Variants in ST8SIA6 observed in about 807,000 individuals in gnomAD.
The protein encoded by ST8SIA6 is ST8 alpha-N-acetyl-neuraminide alpha-2,8-sialyltransferase 6.
Under a neutral mutation model 33.6 loss-of-function variants are expected in ST8SIA6, and 39 were observed. The ratio of observed to expected loss-of-function variants is 1.16; its 90% CI spans 0.90 to 1.52. ST8SIA6 has a LOEUF of 1.52. ST8SIA6 is among the 40% of genes most tolerant of loss of function. The pLI, the probability that ST8SIA6 is intolerant of heterozygous loss-of-function variation, is 0.00. For missense variants in ST8SIA6, 441 were observed against 443.8 expected, an observed-to-expected ratio of 0.99 and a Z score of 0.06; for synonymous variants, 172 against 167.2, an observed-to-expected ratio of 1.03 and a Z score of -0.22.
At chr10:17,397,398 C>T (rs1344467265) in intron 2 of ST8SIA6, among the ~76,000 whole-genome samples, 1 of 152,072 alleles carries the variant, frequency 6.6e-6, no homozygotes, top group Non-Finnish European at 1.5e-5. Flanking sequence ...CCACGACTGG[C>T]TAATTTTTGT....
intron 4 of ST8SIA6, among the ~76,000 whole-genome samples, chr10:17,356,265 A>G (rs552096562): frequency 1.3e-5 from 2 of 152,288 alleles, no homozygotes; most frequent in South Asian, 2.1e-4. Context: ...TATACAGTGC[A>G]TAGTTTAGAA....
intron 2 of ST8SIA6, among the ~76,000 whole-genome samples, chr10:17,402,336 G>A (rs1851076980): frequency 6.6e-6 from 1 of 152,242 alleles, no homozygotes; most frequent in Non-Finnish European, 1.5e-5. Flanking sequence ...TGGTGGGACT[G>A]TAAACTAGTT....
chr10:17,453,563 T>C lies in ST8SIA6; in HGVS notation c.196A>G (p.Asn66Asp). Reference protein sequence around the residue: ...SPATAVPRATNSTYLNEKSLQ... With the variant: ...SPATAVPRATDSTYLNEKSLQ... ...CCGCGCTGGGCGCCGCTGTACCTGT[T>C]AGTGGCGCGCGGTACCGCGGTCGCC... is the stretch of plus-strand genomic sequence containing the variant. The change falls in exon 2 of 8, where the codon AAC becomes GAC. Residue 66 changes from asparagine (N) to aspartate (D), a missense_variant. Coordinates refer to ENST00000377602, the MANE Select transcript of ST8SIA6 (RefSeq NM_001004470.3). 3 of 1,327,324 alleles carry C rather than the reference T, an allele frequency of 2.3e-6. No homozygotes were observed. Among genetic ancestry groups the C allele is most frequent in the Non-Finnish European group, 2.9e-6 (3 of 1,030,868 alleles). 82.2% of individuals were successfully genotyped at this position (1,327,324 alleles called of 1,614,324 possible).
At chr10:17,342,211 T>A (rs886764733) in intron 4 of ST8SIA6, among the ~76,000 whole-genome samples, 4 of 148,114 alleles carry the variant, frequency 2.7e-5, no homozygotes, top group African/African-American at 9.8e-5. Flanking sequence ...TTGCAAAGTA[T>A]TAAATACAAA....
rs112083592 is a variant in ST8SIA6, at chr10:17,323,229, G to GCGCACGCGCACA, written c.636-73_636-72insTGTGCGCGTGCG. 6,765 of 794,386 alleles carry GCGCACGCGCACA rather than the reference G, an allele frequency of 8.5e-3. 74 individuals are homozygous for GCGCACGCGCACA. Among genetic ancestry groups the GCGCACGCGCACA allele is most frequent in the East Asian group, 0.062 (2,253 of 36,226 alleles). The allele number at this position is 794,386 out of a possible 1,614,324, so 49.2% of individuals were successfully genotyped here. On this transcript the variant is annotated intron_variant, in intron 6 of 7. Transcript: ENST00000377602. ...AAAGATTGTATACACACATATGCGC[G>GCGCACGCGCACA]CACACACACACACACACACACCTAT...
chr10:17,417,371 C>A (rs1309625830), intron 2 of ST8SIA6, among the ~76,000 whole-genome samples: 1 of 152,134 alleles, frequency 6.6e-6, no homozygotes, highest in Non-Finnish European at 1.5e-5. Flanking sequence ...ATGATCCATT[C>A]TTTCTGCTTC....
chr10:17,340,016 CA>C (rs1211345740), intron 4 of ST8SIA6, among the ~76,000 whole-genome samples: 1 of 152,176 alleles, frequency 6.6e-6, no homozygotes, highest in African/African-American at 2.4e-5. Context: ...CAGTAAGTAG[CA>C]AAGCAAAGAT....
At chr10:17,357,741 G>A (rs1588834387) in intron 4 of ST8SIA6, among the ~76,000 whole-genome samples, 1 of 152,052 alleles carries the variant, frequency 6.6e-6, no homozygotes, top group African/African-American at 2.4e-5. Context: ...CAAGAGGCTT[G>A]GTCTGAACTT....
At chr10:17,329,057 AG>A (rs1443432208) in intron 5 of ST8SIA6, among the ~76,000 whole-genome samples, 1 of 152,180 alleles carries the variant, frequency 6.6e-6, no homozygotes, top group Non-Finnish European at 1.5e-5. Context: ...AAGATGCCCC[AG>A]AATCATTGTG....
chr10:17,389,780 C>T (rs1038569291), intron 3 of ST8SIA6, among the ~76,000 whole-genome samples: 3 of 151,946 alleles, frequency 2.0e-5, no homozygotes, highest in Non-Finnish European at 2.9e-5. Context: ...GGATTGGGGG[C>T]CTATAAAAGT....
chr10:17,320,775 GC>G lies in ST8SIA6; in HGVS notation c.*102del. The stretch of plus-strand genomic sequence containing the variant: ...AGCTTTGGTCAAACCAAATTTTGGG[GC>G]TCATCTCAAAATACTCTTTAGCCAC... On this transcript the variant is annotated 3_prime_UTR_variant, in exon 8 of 8. Coordinates refer to ENST00000377602, the MANE Select transcript of ST8SIA6 (RefSeq NM_001004470.3). 8.0e-7 allele frequency: 1 copy of G among 1,248,626 alleles called. No homozygotes were observed. Among genetic ancestry groups the G allele is most frequent in the Middle Eastern group, 2.6e-4 (1 of 3,852 alleles). The allele number at this position is 1,248,626 out of a possible 1,614,324, so 77.3% of individuals were successfully genotyped here.
chr10:17,453,807 A>C (rs886792351), intron 1 of ST8SIA6, 150 bp from the exon 2 acceptor site: 4 of 526,262 alleles, frequency 7.6e-6, no homozygotes, highest in African/African-American at 5.9e-5. Context: ...GAAGAGCCTT[A>C]GGGCGGGAAG....
At chr10:17,392,968 G>T (rs537247246) in intron 2 of ST8SIA6, among the ~76,000 whole-genome samples, 1 of 152,166 alleles carries the variant, frequency 6.6e-6, no homozygotes, top group Non-Finnish European at 1.5e-5. Flanking sequence ...GGTATTTCTG[G>T]AACAGATGAG....
At chr10:17,435,193 C>A (rs2131726553) in intron 2 of ST8SIA6, among the ~76,000 whole-genome samples, 1 of 152,338 alleles carries the variant, frequency 6.6e-6, no homozygotes, top group Non-Finnish European at 1.5e-5. Flanking sequence ...TCTTGCCTCT[C>A]AGTATGGTAT....
At chr10:17,343,419 T>C (rs1304809298) in intron 4 of ST8SIA6, among the ~76,000 whole-genome samples, 1 of 152,194 alleles carries the variant, frequency 6.6e-6, no homozygotes, top group Non-Finnish European at 1.5e-5. Context: ...TTTGAAAAGG[T>C]AATAGAAAAC....
chr10:17,333,868 C>T (rs1192632462), intron 4 of ST8SIA6, among the ~76,000 whole-genome samples: 1 of 150,284 alleles, frequency 6.7e-6, no homozygotes, highest in African/African-American at 2.5e-5. Flanking sequence ...ACTAAAGGCA[C>T]CTGCTACCAT....
At chr10:17,349,494 A>T (rs1021807260) in intron 4 of ST8SIA6, among the ~76,000 whole-genome samples, 3 of 152,206 alleles carry the variant, frequency 2.0e-5, no homozygotes, top group Non-Finnish European at 4.4e-5. Flanking sequence ...AGCATTTGAC[A>T]TATTGAATAT....
At chr10:17,436,115 C>T (rs1030190047) in intron 2 of ST8SIA6, among the ~76,000 whole-genome samples, 10 of 152,206 alleles carry the variant, frequency 6.6e-5, no homozygotes, top group African/African-American at 2.4e-4. Context: ...TTACCACTGT[C>T]ACTCACCAGT....
intron 4 of ST8SIA6, among the ~76,000 whole-genome samples, chr10:17,344,576 A>G (rs2166127): frequency 0.4 from 60,355 of 152,130 alleles, 12,267 homozygotes; most frequent in East Asian, 0.58. Flanking sequence ...GGGCATTAGG[A>G]GAGCTATAAT....
Sources: gnomAD v4.1 joint callset for allele counts (sites outside exome capture counted in the v4.1 genomes callset) on GRCh38, gnomAD v4.1.1 for gene constraint, MANE v1.5 for transcripts, NCBI Gene and HGNC (gene_info 2026-07-23, HGNC 2026-07-21) for gene names.